The following SUPT3H variants were observed in gnomAD, a reference collection of about 807,000 sequenced individuals.
The protein encoded by SUPT3H is transcription initiation protein SPT3 homolog.
In SUPT3H, 44 loss-of-function variants were observed where a neutral mutation model predicts 44.3. The observed-to-expected ratio is 0.99, with a 90% CI of 0.78 to 1.28. The LOEUF (loss-of-function observed/expected upper bound fraction) is 1.28, where lower values mean the gene tolerates loss of function less well. Among genes scored for constraint, SUPT3H ranks in the 50% most tolerant of loss-of-function variants. The pLI is 0.00. For missense variants in SUPT3H, 380 were observed against 387.1 expected (o/e 0.98, Z 0.15); for synonymous variants, 124 against 125.6 (o/e 0.99, Z 0.09).
chr6:45,145,973 C>T (rs1245825544), intron 2 of SUPT3H, among the ~76,000 whole-genome samples: 1 of 152,032 alleles, frequency 6.6e-6, no homozygotes, highest in South Asian at 2.1e-4. Context: ...GAGATACCAC[C>T]TTACTCCTGT....
chr6:45,372,995 C>T (rs1796300615), intron 1 of SUPT3H, among the ~76,000 whole-genome samples: 1 of 152,114 alleles, frequency 6.6e-6, no homozygotes, highest in Non-Finnish European at 1.5e-5. Context: ...TTTTAGTAGA[C>T]AGAGTTTCAC....
chr6:45,371,318 T>G (rs534562321), intron 1 of SUPT3H, among the ~76,000 whole-genome samples: 1 of 152,010 alleles, frequency 6.6e-6, no homozygotes, highest in African/African-American at 2.4e-5. Flanking sequence ...GAAAAAGGAC[T>G]GGGGGATTTA....
intron 1 of SUPT3H, among the ~76,000 whole-genome samples, chr6:45,375,514 T>C (rs1484174709): frequency 6.6e-6 from 1 of 152,194 alleles, no homozygotes; most frequent in Non-Finnish European, 1.5e-5. Flanking sequence ...GCTCCAGATC[T>C]AACAATTATC....
At chr6:44,889,865 T>C (rs1325793562) in intron 10 of SUPT3H, among the ~76,000 whole-genome samples, 5 of 152,008 alleles carry the variant, frequency 3.3e-5, no homozygotes, top group Non-Finnish European at 5.9e-5. Flanking sequence ...CCTACTTATC[T>C]GACAAAGGGC....
At chr6:45,170,469 C>G (rs571985768) in intron 2 of SUPT3H, among the ~76,000 whole-genome samples, 2 of 152,264 alleles carry the variant, frequency 1.3e-5, no homozygotes, top group South Asian at 4.1e-4. Context: ...TGTTTATGTT[C>G]ATTGACTGTT....
At chr6:44,900,537 G>C (rs921022458) in intron 10 of SUPT3H, among the ~76,000 whole-genome samples, 3 of 152,176 alleles carry the variant, frequency 2.0e-5, no homozygotes, top group Non-Finnish European at 2.9e-5. Flanking sequence ...GCTCGAACTG[G>C]GTGGAGCCCA....
Position 45,102,917 on chromosome 6 carries a change from C to T in SUPT3H, c.186+3005G>A, listed in dbSNP as rs142411502. ...TCATGCCTCTGCACTCCAACCTGGA[C>T]GACAGAGTGAGACTCCGTCTCAAAA... On this transcript the variant is annotated intron_variant, in intron 3 of 10. Coordinates refer to ENST00000371459, the MANE Select transcript of SUPT3H (RefSeq NM_003599.4). Among the ~76,000 whole-genome samples, 56 of 148,156 alleles carry T rather than the reference C, an allele frequency of 3.8e-4. 1 individual carries two copies. The highest frequency in any genetic ancestry group is 9.7e-4 in the African/African-American group (39 of 40,028).
intron 3 of SUPT3H, among the ~76,000 whole-genome samples, chr6:45,024,958 A>G (rs1785731552): frequency 1.3e-5 from 2 of 152,008 alleles, no homozygotes; most frequent in Admixed American, 1.3e-4. Flanking sequence ...TGGCTTTCAT[A>G]CTGGAACTAA....
chr6:45,356,131 A>G (rs1051375427), intron 2 of SUPT3H, among the ~76,000 whole-genome samples: 11 of 152,194 alleles, frequency 7.2e-5, no homozygotes, highest in African/African-American at 2.2e-4. Flanking sequence ...CTATTCTGTC[A>G]TAGGAAAAAA....
At chr6:44,943,698 T>C (rs1243668621) in intron 9 of SUPT3H, among the ~76,000 whole-genome samples, 2 of 152,058 alleles carry the variant, frequency 1.3e-5, no homozygotes, top group Non-Finnish European at 2.9e-5. Context: ...CCTACTGACT[T>C]ATGATTAAAA....
chr6:44,812,998 A>G (rs1038720391), intron 11 of SUPT3H, among the ~76,000 whole-genome samples: 1 of 152,126 alleles, frequency 6.6e-6, no homozygotes, highest in Non-Finnish European at 1.5e-5. Flanking sequence ...AATTCCATCA[A>G]TCTTATTGGG....
intron 10 of SUPT3H, among the ~76,000 whole-genome samples, chr6:44,915,682 CACA>C (rs1167976712): frequency 2.0e-5 from 3 of 152,142 alleles, no homozygotes; most frequent in Non-Finnish European, 4.4e-5. Flanking sequence ...TTTTGGTCTC[CACA>C]ACCTCTTATT....
At chr6:45,015,671 C>A (rs190965194) in intron 4 of SUPT3H, among the ~76,000 whole-genome samples, 1 of 152,164 alleles carries the variant, frequency 6.6e-6, no homozygotes, top group African/African-American at 2.4e-5. Flanking sequence ...AAAACACAAA[C>A]ACCTTACACA....
intron 6 of SUPT3H, among the ~76,000 whole-genome samples, chr6:44,986,413 T>C (rs886122759): frequency 2.6e-5 from 4 of 152,152 alleles, no homozygotes; most frequent in Non-Finnish European, 4.4e-5. Flanking sequence ...GAACAGTATC[T>C]GGCATGCAGT....
intron 2 of SUPT3H, among the ~76,000 whole-genome samples, chr6:45,320,266 G>T (rs1005597224): frequency 6.6e-6 from 1 of 151,552 alleles, no homozygotes; most frequent in Non-Finnish European, 1.5e-5. Context: ...AGCTTCCCAG[G>T]TTTTTTTTGT....
chr6:44,833,945 A>G (rs1769333689), intron 10 of SUPT3H, among the ~76,000 whole-genome samples: 1 of 152,198 alleles, frequency 6.6e-6, no homozygotes, highest in Admixed American at 6.6e-5. Flanking sequence ...AATGGACCTT[A>G]AATCTAAATC....
At chr6:44,821,808 C>A (rs1767339589), downstream of SUPT3H, among the ~76,000 whole-genome samples, 1 of 152,144 alleles carries the variant, frequency 6.6e-6, no homozygotes, top group East Asian at 1.9e-4. Flanking sequence ...TCAGAAGGCA[C>A]AATCTACTCA....
chr6:45,372,716 T>C (rs1218726759), intron 1 of SUPT3H, among the ~76,000 whole-genome samples: 1 of 152,140 alleles, frequency 6.6e-6, no homozygotes, highest in Non-Finnish European at 1.5e-5. Context: ...TGGAGTACAG[T>C]GGCACAATCT....
intron 2 of SUPT3H, among the ~76,000 whole-genome samples, chr6:45,244,030 T>C (rs1339064268): frequency 6.6e-6 from 1 of 152,140 alleles, no homozygotes; most frequent in Admixed American, 6.6e-5. Context: ...GACAGGCATG[T>C]GCCACCACAC....
Sources: allele counts gnomAD v4.1 joint callset (sites outside exome capture counted in the v4.1 genomes callset), GRCh38; gene constraint gnomAD v4.1.1; transcripts MANE v1.5; gene names NCBI Gene and HGNC (gene_info 2026-07-23, HGNC 2026-07-21).